The following SETBP1 variants were observed in gnomAD, a reference collection of about 807,000 sequenced individuals.
SETBP1 encodes the protein SET binding protein 1.
In SETBP1, 9 loss-of-function variants were observed where a neutral mutation model predicts 101.0. The ratio of observed to expected loss-of-function variants is 0.09; its 90% CI spans 0.05 to 0.16. SETBP1 has a LOEUF of 0.16. Ranked by LOEUF, SETBP1 falls within the 10% of genes least tolerant of loss-of-function variation. The pLI is 1.00. For synonymous variants in SETBP1, 818 were observed against 788.5 expected (o/e 1.04, Z -0.63); for missense variants, 1,858 against 2,033.8 (o/e 0.91, Z 1.66).
intron 1 of SETBP1, among the ~76,000 whole-genome samples, chr18:44,688,938 C>T (rs962757679): frequency 1.2e-4 from 18 of 152,242 alleles, no homozygotes; most frequent in South Asian, 4.1e-4. Flanking sequence ...GCCTGGTACA[C>T]TTGCTTGGGA....
At chr18:44,995,114 G>A (rs78001172) in intron 4 of SETBP1, among the ~76,000 whole-genome samples, 2,277 of 149,980 alleles carry the variant, frequency 0.015, 50 homozygotes, top group African/African-American at 0.052. Context: ...AGTGGCAGTA[G>A]ACAACTGACC....
At chr18:44,765,411 G>T (rs188413923) in intron 2 of SETBP1, among the ~76,000 whole-genome samples, 1 of 152,286 alleles carries the variant, frequency 6.6e-6, no homozygotes. Flanking sequence ...CATTTTGTGG[G>T]TGGATATGAA....
intron 2 of SETBP1, among the ~76,000 whole-genome samples, chr18:44,721,372 T>C (rs2069591887): frequency 6.6e-6 from 1 of 152,222 alleles, no homozygotes; most frequent in Non-Finnish European, 1.5e-5. Flanking sequence ...ATCAAGTGTT[T>C]CTTCCTTTGC....
chr18:44,996,962 C>A (rs1482132563), intron 4 of SETBP1, among the ~76,000 whole-genome samples: 1 of 152,142 alleles, frequency 6.6e-6, no homozygotes, highest in Non-Finnish European at 1.5e-5. Flanking sequence ...GGGAGTATCC[C>A]AGAGTGTTTC....
rs530142608 is a variant in SETBP1, at chr18:44,975,230, C to T, written c.4000+21890C>T. 1.7e-4 allele frequency among the ~76,000 whole-genome samples: 26 copies of T among 152,302 alleles called. No individual in the cohort carries two copies. The South Asian group carries it at 5.4e-3, about 32-fold the overall frequency. On this transcript the variant is annotated intron_variant, in intron 4 of 5. Transcript: ENST00000649279. ...ACCTGTGAATAGGGTATAATAAACC[C>T]TGTCTGCATCTGCAGTTCTACTAGA...
chr18:44,817,836 C>G (rs969261802), intron 2 of SETBP1, among the ~76,000 whole-genome samples: 1 of 152,170 alleles, frequency 6.6e-6, no homozygotes, highest in Non-Finnish European at 1.5e-5. Flanking sequence ...TGCACCATGA[C>G]TGCACTTTCC....
At chr18:44,861,992 G>A (rs1048793922) in intron 2 of SETBP1, among the ~76,000 whole-genome samples, 1 of 152,132 alleles carries the variant, frequency 6.6e-6, no homozygotes, top group Non-Finnish European at 1.5e-5. Flanking sequence ...TGGAGGTCTC[G>A]TCTTTCATGT....
Position 44,701,260 on chromosome 18 carries a change from A to G in SETBP1, c.-87A>G. ...AGCAACTGGACCACTTTGTTCTTGG[A>G]ATTTTGGGTGTCCTCTTTTCTCACC... On this transcript the variant is annotated 5_prime_UTR_variant, in exon 2 of 6. Transcript: ENST00000649279. The G allele has an allele frequency of 2.8e-6, 4 of 1,420,688 alleles. No individual in the cohort carries two copies. Among genetic ancestry groups the G allele is most frequent in the African/African-American group, 1.4e-5 (1 of 69,114 alleles). 88.0% of individuals were successfully genotyped at this position (1,420,688 alleles called of 1,614,324 possible).
intron 2 of SETBP1, among the ~76,000 whole-genome samples, chr18:44,860,747 CAA>C (rs10699106): frequency 3.0e-5 from 4 of 133,160 alleles, no homozygotes; most frequent in Non-Finnish European, 1.6e-5. Context: ...AACTTCATCT[CAA>C]AAAAAAAAAA....
chr18:44,805,240 T>A (rs986037824), intron 2 of SETBP1, among the ~76,000 whole-genome samples: 5 of 152,120 alleles, frequency 3.3e-5, no homozygotes, highest in African/African-American at 1.2e-4. Flanking sequence ...TCCAAGTAAT[T>A]AAATAATAAA....
At chr18:44,977,050 T>C (rs1400527197) in intron 4 of SETBP1, among the ~76,000 whole-genome samples, 1 of 152,180 alleles carries the variant, frequency 6.6e-6, no homozygotes, top group African/African-American at 2.4e-5. Context: ...TAATAAATCA[T>C]CAATATATGG....
chr18:44,736,533 AC>A (rs1318848887), intron 2 of SETBP1, among the ~76,000 whole-genome samples: 2 of 152,182 alleles, frequency 1.3e-5, no homozygotes, highest in African/African-American at 4.8e-5. Flanking sequence ...TACCTTGATA[AC>A]ATCAACCCAC....
intron 2 of SETBP1, among the ~76,000 whole-genome samples, chr18:44,705,312 C>T (rs1417559203): frequency 6.6e-6 from 1 of 152,096 alleles, no homozygotes; most frequent in Non-Finnish European, 1.5e-5. Context: ...ACTGCTTTTT[C>T]TTATAGTGGC....
chr18:44,939,629 G>C (rs1409870496), intron 3 of SETBP1, among the ~76,000 whole-genome samples: 1 of 152,202 alleles, frequency 6.6e-6, no homozygotes, highest in Non-Finnish European at 1.5e-5. Flanking sequence ...GACATGCTGA[G>C]AGATCTTCCA....
intron 3 of SETBP1, among the ~76,000 whole-genome samples, chr18:44,889,401 GACTTGGATC>G (rs1368309845): frequency 6.6e-6 from 1 of 152,156 alleles, no homozygotes; most frequent in Non-Finnish European, 1.5e-5. Context: ...ACAACTAAAA[GACTTGGATC>G]AGTTAGCTTA....
At chr18:45,033,192 CA>C (rs2073332020) in intron 4 of SETBP1, among the ~76,000 whole-genome samples, 1 of 152,104 alleles carries the variant, frequency 6.6e-6, no homozygotes, top group African/African-American at 2.4e-5. Flanking sequence ...ATCAAGTTTT[CA>C]AAAGTAGTTT....
At chr18:45,046,116 C>A (rs2073607382) in intron 5 of SETBP1, among the ~76,000 whole-genome samples, 2 of 151,140 alleles carry the variant, frequency 1.3e-5, no homozygotes, top group African/African-American at 2.5e-5. Context: ...TGTGCTCCAC[C>A]TGTGTCCCAC....
chr18:44,906,065 T>C (rs2070167898), intron 3 of SETBP1, among the ~76,000 whole-genome samples: 1 of 152,124 alleles, frequency 6.6e-6, no homozygotes, highest in African/African-American at 2.4e-5. Context: ...GAAAGGTCAG[T>C]CGCTTCATGA....
At chr18:44,893,691 A>C (rs1288333350) in intron 3 of SETBP1, among the ~76,000 whole-genome samples, 1 of 152,152 alleles carries the variant, frequency 6.6e-6, no homozygotes, top group Non-Finnish European at 1.5e-5. Flanking sequence ...TTAGGGGGTC[A>C]ATATAAGCAA....
Sources: gnomAD v4.1 joint callset for allele counts (sites outside exome capture counted in the v4.1 genomes callset) on GRCh38, gnomAD v4.1.1 for gene constraint, MANE v1.5 for transcripts, NCBI Gene and HGNC (gene_info 2026-07-23, HGNC 2026-07-21) for gene names.